CBLB: variants seen among roughly 807,000 people sequenced by gnomAD.
CBLB encodes E3 ubiquitin-protein ligase CBL-B.
In CBLB, 31 loss-of-function variants were observed where a neutral mutation model predicts 104.9. The observed-to-expected ratio is 0.30, with a 90% CI of 0.22 to 0.40. CBLB has a LOEUF of 0.40. Ranked by LOEUF, CBLB falls within the 10% of genes least tolerant of loss-of-function variation. The pLI is 1.00. For synonymous variants in CBLB, 440 were observed against 422.6 expected (o/e 1.04, Z -0.51); for missense variants, 1,062 against 1,214.6 (o/e 0.87, Z 1.87).
intron 3 of CBLB, among the ~76,000 whole-genome samples, chr3:105,844,676 T>C (rs2090010216): frequency 6.6e-6 from 1 of 152,234 alleles, no homozygotes; most frequent in South Asian, 2.1e-4. Flanking sequence ...ACGGAATGGT[T>C]ATGAAGTACT....
rs1282586650 is a variant in CBLB, at chr3:105,657,658, T to C, written c.*1312A>G. 1 of 204,200 alleles carries C rather than the reference T, an allele frequency of 4.9e-6. No individual in the cohort carries two copies. Among genetic ancestry groups the C allele is most frequent in the East Asian group, 7.5e-5 (1 of 13,280 alleles). 12.6% of individuals were successfully genotyped at this position (204,200 alleles called of 1,614,324 possible). ...GATGCTCAATAAATATTTGTAGATT[T>C]ATTAAGAGTAATAACATGGTGTTTA... On this transcript the variant is annotated 3_prime_UTR_variant, in exon 19 of 19. Coordinates refer to ENST00000394030, the MANE Select transcript of CBLB (RefSeq NM_170662.5).
intron 3 of CBLB, among the ~76,000 whole-genome samples, chr3:105,792,483 C>A (rs974540144): frequency 2.0e-5 from 3 of 152,146 alleles, no homozygotes; most frequent in African/African-American, 7.2e-5. Flanking sequence ...GCTCAATAAC[C>A]CTGAAGTACT....
At chr3:105,828,784 C>T (rs1268703120) in intron 3 of CBLB, among the ~76,000 whole-genome samples, 2 of 152,052 alleles carry the variant, frequency 1.3e-5, no homozygotes, top group Non-Finnish European at 2.9e-5. Flanking sequence ...TTTTCAAACA[C>T]AACCTACTCG....
chr3:105,764,833 A>G (rs1376895630), intron 4 of CBLB, among the ~76,000 whole-genome samples: 1 of 152,228 alleles, frequency 6.6e-6, no homozygotes, highest in Admixed American at 6.5e-5. Flanking sequence ...ATAAGAAAGC[A>G]AAACAGCCTT....
At chr3:105,861,477 T>C (rs758568977) in intron 2 of CBLB, among the ~76,000 whole-genome samples, 2 of 152,098 alleles carry the variant, frequency 1.3e-5, no homozygotes, top group Non-Finnish European at 2.9e-5. Context: ...GCTTTCCTCC[T>C]GTGTAAGTGG....
intron 4 of CBLB, among the ~76,000 whole-genome samples, chr3:105,772,584 A>C (rs1189409049): frequency 6.6e-6 from 1 of 152,260 alleles, no homozygotes; most frequent in African/African-American, 2.4e-5. Flanking sequence ...CAGACAACTC[A>C]CACAGTGGGA....
intron 3 of CBLB, among the ~76,000 whole-genome samples, chr3:105,815,541 G>GA (rs1341744577): frequency 6.6e-6 from 1 of 152,116 alleles, no homozygotes; most frequent in Non-Finnish European, 1.5e-5. Context: ...AAAAAGTCAG[G>GA]AAAAAACAGA....
At chr3:105,867,284 ATGAAT>A (rs768097161) in intron 2 of CBLB, 121 bp downstream of exon 2, 13 of 992,276 alleles carry the variant, frequency 1.3e-5, no homozygotes, top group Non-Finnish European at 2.1e-5. Flanking sequence ...AAGAAAAATG[ATGAAT>A]TGAAATCAAA....
At chr3:105,839,198 A>T (rs1489412179) in intron 3 of CBLB, among the ~76,000 whole-genome samples, 6 of 152,228 alleles carry the variant, frequency 3.9e-5, no homozygotes, top group Non-Finnish European at 8.8e-5. Context: ...ATCTGTATTT[A>T]ATAATCATTT....
intron 9 of CBLB, among the ~76,000 whole-genome samples, chr3:105,727,162 C>T (rs138624377): frequency 6.1e-4 from 93 of 152,338 alleles, no homozygotes; most frequent in African/African-American, 2.1e-3. Context: ...AATTTACACT[C>T]TCATCAACAG....
At chr3:105,798,438 A>G (rs1363141318) in intron 3 of CBLB, among the ~76,000 whole-genome samples, 1 of 152,236 alleles carries the variant, frequency 6.6e-6, no homozygotes, top group East Asian at 1.9e-4. Context: ...TCATTAAATA[A>G]TGATTAAATC....
chr3:105,696,271 T>C (rs2068371135), intron 12 of CBLB, among the ~76,000 whole-genome samples: 1 of 151,732 alleles, frequency 6.6e-6, no homozygotes, highest in South Asian at 2.1e-4. Flanking sequence ...TATAAAATGA[T>C]GATCATGTTT....
At chr3:105,702,760 A>G (rs2069424064) in intron 11 of CBLB, among the ~76,000 whole-genome samples, 1 of 152,178 alleles carries the variant, frequency 6.6e-6, no homozygotes, top group African/African-American at 2.4e-5. Context: ...TCATACAATG[A>G]CTTTGACATT....
Position 105,782,607 on chromosome 3 carries a change from A to G in CBLB, c.420-6065T>C, listed in dbSNP as rs562366049. Among the ~76,000 whole-genome samples, 4 of 131,688 alleles carry G rather than the reference A, an allele frequency of 3.0e-5. No individual in the cohort carries two copies. The South Asian group carries it at 9.3e-4, about 31-fold the overall frequency. The allele number at this position is 131,688 out of a possible 152,430, so 86.4% of individuals were successfully genotyped here. A position where few individuals can be genotyped will look rare whatever the true frequency, so the allele number is the denominator to read the frequency against. On this transcript the variant is annotated intron_variant, in intron 3 of 18. Transcript: ENST00000394030. ...TTTTTTTTTTTTTTTTTTTTTTGAT[A>G]CAGAGTCTCACTCTATTGCCCAGGC...
At chr3:105,660,702 G>A (rs2063707731) in intron 18 of CBLB, among the ~76,000 whole-genome samples, 2 of 152,090 alleles carry the variant, frequency 1.3e-5, no homozygotes, top group Non-Finnish European at 2.9e-5. Flanking sequence ...CACTCCTGCT[G>A]CCTCAGCAAC....
chr3:105,670,477 G>T, intron 17 of CBLB, 125 bp from the exon 18 acceptor site: 1 of 795,546 alleles, frequency 1.3e-6, no homozygotes, highest in Non-Finnish European at 2.0e-6. Context: ...TTAAATTCAT[G>T]ACTGATATTA....
intron 9 of CBLB, among the ~76,000 whole-genome samples, chr3:105,721,099 T>G (rs1559954399): frequency 6.6e-6 from 1 of 152,204 alleles, no homozygotes; most frequent in Non-Finnish European, 1.5e-5. Flanking sequence ...GTATATGATA[T>G]TCTCCACCCG....
chr3:105,828,827 C>A (rs1577588774), intron 3 of CBLB, among the ~76,000 whole-genome samples: 1 of 152,108 alleles, frequency 6.6e-6, no homozygotes, highest in East Asian at 1.9e-4. Flanking sequence ...CTAAGGAGCT[C>A]AGCCCTGAGT....
intron 18 of CBLB, among the ~76,000 whole-genome samples, chr3:105,663,383 G>C (rs9873655): frequency 0.53 from 80,994 of 151,870 alleles, 22,143 homozygotes; most frequent in Middle Eastern, 0.67. Context: ...AGAAAGAGCA[G>C]GGATGAGGAG....
Sources: allele counts gnomAD v4.1 joint callset (sites outside exome capture counted in the v4.1 genomes callset), GRCh38; gene constraint gnomAD v4.1.1; transcripts MANE v1.5; gene names NCBI Gene and HGNC (gene_info 2026-07-23, HGNC 2026-07-21).